The following ERI3 variants were observed in gnomAD, a reference collection of about 807,000 sequenced individuals.
ERI3 encodes the protein ERI1 exoribonuclease 3.
A neutral mutation model predicts 44.4 loss-of-function variants in ERI3; 18 were observed. The ratio of observed to expected loss-of-function variants is 0.41; its 90% CI spans 0.28 to 0.60. The LOEUF (loss-of-function observed/expected upper bound fraction) is 0.60, where lower values mean the gene tolerates loss of function less well. Ranked by LOEUF, ERI3 falls within the 20% of genes least tolerant of loss-of-function variation. The pLI is 0.36. For missense variants in ERI3, 294 were observed against 435.5 expected (o/e 0.68, Z 2.89); for synonymous variants, 183 against 164.8 (o/e 1.11, Z -0.84).
chr1:44,258,135 G>A (rs765218499), intron 7 of ERI3, among the ~76,000 whole-genome samples: 5 of 152,220 alleles, frequency 3.3e-5, no homozygotes, highest in Non-Finnish European at 7.3e-5. Flanking sequence ...AACCTGGCAT[G>A]TAACTAGTCC....
At chr1:44,324,847 G>A (rs1299001848) in intron 3 of ERI3, among the ~76,000 whole-genome samples, 4 of 152,116 alleles carry the variant, frequency 2.6e-5, no homozygotes, top group African/African-American at 9.7e-5. Context: ...TGGGCTGTCT[G>A]CCAACGGTGG....
chr1:44,240,896 C>G (rs941810733), intron 8 of ERI3, among the ~76,000 whole-genome samples: 3 of 152,220 alleles, frequency 2.0e-5, no homozygotes, highest in Non-Finnish European at 1.5e-5. Context: ...AGCACCTATG[C>G]TGGAGCCAAA....
intron 7 of ERI3, among the ~76,000 whole-genome samples, chr1:44,274,468 A>G (rs1164660053): frequency 6.6e-6 from 1 of 152,220 alleles, no homozygotes; most frequent in Non-Finnish European, 1.5e-5. Context: ...AAGAAATTTC[A>G]GAGTTCAGAC....
At chr1:44,306,021 C>T (rs1021828052) in intron 6 of ERI3, among the ~76,000 whole-genome samples, 1 of 152,224 alleles carries the variant, frequency 6.6e-6, no homozygotes. Flanking sequence ...GTTCCAGGAA[C>T]ACCGATTAGC....
chr1:44,351,550 T>C (rs1294358883), intron 2 of ERI3, among the ~76,000 whole-genome samples: 3 of 152,204 alleles, frequency 2.0e-5, no homozygotes, highest in Admixed American at 6.5e-5. Context: ...AACTGCAGAG[T>C]TTAGTAGAGT....
chr1:44,307,087 T>C (rs77435321), intron 6 of ERI3, among the ~76,000 whole-genome samples: 2,123 of 152,280 alleles, frequency 0.014, 48 homozygotes, highest in African/African-American at 0.048. Flanking sequence ...AGATGTCATG[T>C]GGGAATATGG....
intron 5 of ERI3, among the ~76,000 whole-genome samples, chr1:44,312,140 G>T (rs1379372218): frequency 1.3e-5 from 2 of 151,980 alleles, no homozygotes; most frequent in East Asian, 1.9e-4. Flanking sequence ...TCTCCTCCAT[G>T]GGACAGGATC....
At chr1:44,273,346 A>G (rs1316328605) in intron 7 of ERI3, among the ~76,000 whole-genome samples, 2 of 152,192 alleles carry the variant, frequency 1.3e-5, no homozygotes, top group Non-Finnish European at 1.5e-5. Flanking sequence ...CACTTCCCTA[A>G]GATACATGGT....
At chr1:44,276,783 T>C (rs1645188183) in intron 7 of ERI3, among the ~76,000 whole-genome samples, 1 of 152,156 alleles carries the variant, frequency 6.6e-6, no homozygotes, top group African/African-American at 2.4e-5. Flanking sequence ...TGCCAACTGC[T>C]CTCTTACCAA....
At chr1:44,234,058 T>TGA (rs1169596395) in intron 8 of ERI3, among the ~76,000 whole-genome samples, 1 of 152,138 alleles carries the variant, frequency 6.6e-6, no homozygotes, top group Non-Finnish European at 1.5e-5. Context: ...TTGGTTCCTT[T>TGA]GAACACTCCC....
chr1:44,224,107 C>G (rs1417934043), intron 8 of ERI3, among the ~76,000 whole-genome samples: 1 of 152,164 alleles, frequency 6.6e-6, no homozygotes, highest in Admixed American at 6.5e-5. Flanking sequence ...CAAATCTAAT[C>G]AAGTATGAAC....
chr1:44,262,183 C>T (rs1351532294), intron 7 of ERI3, among the ~76,000 whole-genome samples: 1 of 152,176 alleles, frequency 6.6e-6, no homozygotes, highest in Non-Finnish European at 1.5e-5. Flanking sequence ...ATAACCCCCA[C>T]TGGGCCCAGC....
chr1:44,317,144 GCACA>G (rs10670781), intron 4 of ERI3, among the ~76,000 whole-genome samples: 256 of 151,122 alleles, frequency 1.7e-3, no homozygotes, highest in African/African-American at 2.6e-3. Context: ...GCATGTGCGT[GCACA>G]CACACACACA....
At chr1:44,255,866 T>C (rs1644769027) in intron 7 of ERI3, among the ~76,000 whole-genome samples, 1 of 152,154 alleles carries the variant, frequency 6.6e-6, no homozygotes, top group South Asian at 2.1e-4. Flanking sequence ...GATGAAGCAG[T>C]TCCTTCAGCC....
intron 6 of ERI3, among the ~76,000 whole-genome samples, chr1:44,301,716 C>G (rs540845224): frequency 2.4e-4 from 37 of 152,314 alleles, no homozygotes; most frequent in East Asian, 9.7e-4. Context: ...CCTCCACTAC[C>G]CTGACCCACC....
intron 7 of ERI3, among the ~76,000 whole-genome samples, chr1:44,250,286 C>T (rs1179115442): frequency 1.3e-5 from 2 of 152,236 alleles, no homozygotes; most frequent in Non-Finnish European, 2.9e-5. Context: ...GCTTATGGCT[C>T]GGGGACAGGG....
chr1:44,242,174 G>C, intron 8 of ERI3: 2 of 976,900 alleles, frequency 2.0e-6, no homozygotes, highest in Non-Finnish European at 2.4e-6. Flanking sequence ...CTGGATGGGA[G>C]GGGGCAGTAG....
intron 7 of ERI3, among the ~76,000 whole-genome samples, chr1:44,271,199 C>T (rs974624793): frequency 1.3e-4 from 20 of 152,182 alleles, no homozygotes; most frequent in African/African-American, 4.8e-4. Flanking sequence ...ACTGCACATG[C>T]TCACTCTCAC....
intron 3 of ERI3, chr1:44,322,689 T>G: frequency 6.6e-7 from 1 of 1,515,742 alleles, no homozygotes; most frequent in Non-Finnish European, 8.9e-7. Context: ...CTCTGAGAAA[T>G]TAGAGCAGCA....
Sources: gnomAD v4.1 joint callset for allele counts (sites outside exome capture counted in the v4.1 genomes callset) on GRCh38, gnomAD v4.1.1 for gene constraint, MANE v1.5 for transcripts, NCBI Gene and HGNC (gene_info 2026-07-23, HGNC 2026-07-21) for gene names.